Variants in DSCAM observed in about 807,000 individuals in gnomAD.
The protein encoded by DSCAM is cell adhesion molecule DSCAM.
In DSCAM, 47 loss-of-function variants were observed where a neutral mutation model predicts 217.7. The ratio of observed to expected loss-of-function variants is 0.22; its 90% CI spans 0.17 to 0.28. DSCAM has a LOEUF of 0.28. DSCAM is among the 10% of genes least tolerant of loss of function. The pLI, the probability that DSCAM is intolerant of heterozygous loss-of-function variation, is 1.00. For missense variants in DSCAM, 2,080 were observed against 2,618.3 expected, an observed-to-expected ratio of 0.79 and a Z score of 4.49; for synonymous variants, 1,056 against 1,015.3, an observed-to-expected ratio of 1.04 and a Z score of -0.76.
intron 10 of DSCAM, among the ~76,000 whole-genome samples, chr21:40,294,778 A>G (rs1181256394): frequency 6.6e-6 from 1 of 152,244 alleles, no homozygotes; most frequent in Non-Finnish European, 1.5e-5. Flanking sequence ...ATAATGCACA[A>G]TGGAGCTTCA....
At chr21:40,577,005 A>T (rs545240117) in intron 3 of DSCAM, among the ~76,000 whole-genome samples, 11 of 151,650 alleles carry the variant, frequency 7.3e-5, no homozygotes, top group Non-Finnish European at 1.0e-4. Context: ...TAAAATAAAA[A>T]AAAAAATAAG....
intron 1 of DSCAM, among the ~76,000 whole-genome samples, chr21:40,821,093 G>C (rs897420694): frequency 1.9e-4 from 24 of 129,356 alleles, no homozygotes; most frequent in Non-Finnish European, 1.6e-4. Context: ...CATATATAGA[G>C]AGATATATAT....
intron 1 of DSCAM, among the ~76,000 whole-genome samples, chr21:40,800,995 A>G (rs1412377288): frequency 1.4e-5 from 2 of 146,786 alleles, no homozygotes; most frequent in East Asian, 4.0e-4. Context: ...TCTTTCACCC[A>G]GGCTGGAGTG....
chr21:40,369,330 T>G (rs9636970), intron 3 of DSCAM, 85 bp from the exon 4 acceptor site: 6 of 1,414,872 alleles, frequency 4.2e-6, no homozygotes, highest in East Asian at 2.4e-5. Flanking sequence ...CAGTTTTTTT[T>G]TTCCCCCACC....
At chr21:40,028,514 A>G (rs111671869) in intron 32 of DSCAM, among the ~76,000 whole-genome samples, 8,693 of 150,704 alleles carry the variant, frequency 0.058, 847 homozygotes, top group African/African-American at 0.2. Context: ...CCATGGGCGT[A>G]GGACCCTCCA....
chr21:40,142,870 T>C (rs377444006), intron 17 of DSCAM, among the ~76,000 whole-genome samples, 166 bp from the exon 18 acceptor site: 5 of 152,250 alleles, frequency 3.3e-5, no homozygotes, highest in African/African-American at 2.4e-5. Context: ...AAAAATCTTA[T>C]GATAACTCAG....
At chr21:40,782,018 A>C (rs1464281050) in intron 1 of DSCAM, among the ~76,000 whole-genome samples, 6 of 151,018 alleles carry the variant, frequency 4.0e-5, no homozygotes, top group African/African-American at 1.5e-4. Context: ...AAAGAAAAAA[A>C]AAATTAGCCA....
chr21:40,057,052 T>C (rs985478389), intron 28 of DSCAM, among the ~76,000 whole-genome samples: 5 of 152,200 alleles, frequency 3.3e-5, no homozygotes, highest in Admixed American at 6.5e-5. Context: ...ATGAGATCCA[T>C]GTATACTCCT....
intron 3 of DSCAM, among the ~76,000 whole-genome samples, chr21:40,603,519 T>C (rs1318882933): frequency 2.0e-5 from 3 of 152,230 alleles, no homozygotes; most frequent in Non-Finnish European, 2.9e-5. Context: ...CCTTTTGTTA[T>C]GTAAATCTGA....
Position 40,180,151 on chromosome 21 carries a change from A to G in DSCAM, c.2780-1057T>C, listed in dbSNP as rs150162675. Among the ~76,000 whole-genome samples, 5 of 152,366 alleles carry G rather than the reference A, an allele frequency of 3.3e-5. No individual in the cohort carries two copies. The East Asian group carries it at 7.7e-4, about 24-fold the overall frequency. ...CTGGCTCATAGTAGACAAATAGTACATGAATGTTTAATAGAGGAACAAATA... is the reference window on the plus strand; with the variant it reads ...CTGGCTCATAGTAGACAAATAGTACGTGAATGTTTAATAGAGGAACAAATA... On this transcript the variant is annotated intron_variant, in intron 14 of 32. Transcript: ENST00000400454.
intron 3 of DSCAM, among the ~76,000 whole-genome samples, chr21:40,377,665 T>C (rs1168620537): frequency 6.6e-6 from 1 of 151,790 alleles, no homozygotes; most frequent in Non-Finnish European, 1.5e-5. Flanking sequence ...GGAGAAGCCC[T>C]TCATGAGAAC....
At chr21:40,364,789 C>A (rs2074813577) in intron 4 of DSCAM, among the ~76,000 whole-genome samples, 1 of 144,980 alleles carries the variant, frequency 6.9e-6, no homozygotes, top group Admixed American at 6.9e-5. Context: ...TACACACATA[C>A]ATATATATAC....
chr21:40,416,822 A>T (rs2075376221), intron 3 of DSCAM, among the ~76,000 whole-genome samples: 1 of 152,152 alleles, frequency 6.6e-6, no homozygotes, highest in Admixed American at 6.5e-5. Context: ...TTAATTTAGG[A>T]TTTTTTTAGA....
rs187321150 is a variant in DSCAM at position 40,123,905 on chromosome 21, A to G, written c.3696+290T>C. On this transcript the variant is annotated intron_variant, in intron 20 of 32. Transcript: ENST00000400454. ...TCCACTGACTATCAATTAAGGCACA[A>G]TCAAGGCCTCTGGGTTTTGATTTTG... Among the ~76,000 whole-genome samples, 414 of 152,306 alleles carry G rather than the reference A, an allele frequency of 2.7e-3. 2 individuals carry two copies. Among genetic ancestry groups the G allele is most frequent in the African/African-American group, 9.4e-3 (391 of 41,584 alleles).
intron 19 of DSCAM, among the ~76,000 whole-genome samples, chr21:40,128,980 A>G (rs565177219): frequency 1.3e-5 from 2 of 152,294 alleles, no homozygotes; most frequent in Admixed American, 6.5e-5. Context: ...TACCACAATC[A>G]TTTTTCTGAA....
At chr21:40,505,611 G>A (rs1006842184) in intron 3 of DSCAM, among the ~76,000 whole-genome samples, 2 of 152,284 alleles carry the variant, frequency 1.3e-5, no homozygotes, top group Non-Finnish European at 2.9e-5. Flanking sequence ...ATAAACATTT[G>A]GAGTGCCTTA....
At chr21:40,256,436 G>C (rs1243149913) in intron 11 of DSCAM, among the ~76,000 whole-genome samples, 1 of 150,192 alleles carries the variant, frequency 6.7e-6, no homozygotes, top group African/African-American at 2.5e-5. Context: ...GAGAGAGAGA[G>C]AGACACACAC....
intron 3 of DSCAM, among the ~76,000 whole-genome samples, chr21:40,528,068 G>A (rs1336042113): frequency 2.0e-5 from 3 of 152,134 alleles, no homozygotes; most frequent in Non-Finnish European, 4.4e-5. Flanking sequence ...CACTGGGGTG[G>A]TTCAGTGCCC....
At chr21:40,301,710 G>A (rs182858678) in intron 9 of DSCAM, among the ~76,000 whole-genome samples, 6 of 135,524 alleles carry the variant, frequency 4.4e-5, no homozygotes, top group African/African-American at 1.7e-4. Flanking sequence ...CATGCCCAGC[G>A]CACAGCACAG....
Sources: allele counts gnomAD v4.1 joint callset (sites outside exome capture counted in the v4.1 genomes callset), GRCh38; gene constraint gnomAD v4.1.1; transcripts MANE v1.5; gene names NCBI Gene and HGNC (gene_info 2026-07-23, HGNC 2026-07-21).